The following DCUN1D1 variants were observed in gnomAD, a reference collection of about 807,000 sequenced individuals.
DCUN1D1 encodes the protein DCN1-like protein 1.
A neutral mutation model predicts 39.0 loss-of-function variants in DCUN1D1; 3 were observed. That is an observed-to-expected ratio of 0.08 (90% CI 0.04 to 0.20). DCUN1D1 has a LOEUF of 0.20. Among genes scored for constraint, DCUN1D1 ranks in the 10% least tolerant of loss-of-function variants. The pLI, the probability that DCUN1D1 is intolerant of heterozygous loss-of-function variation, is 1.00. For missense variants in DCUN1D1, 158 were observed against 302.4 expected (o/e 0.52, Z 3.54); for synonymous variants, 82 against 96.3 (o/e 0.85, Z 0.87).
chr3:182,980,419 C>T (rs1448486032), intron 1 of DCUN1D1, 68 bp downstream of exon 1: 2 of 1,011,622 alleles, frequency 2.0e-6, no homozygotes, highest in Non-Finnish European at 2.4e-6. Flanking sequence ...GGAGGGCGGC[C>T]GGGGCGGGGG....
At chr3:182,954,762 G>C (rs1158523353) in intron 4 of DCUN1D1, among the ~76,000 whole-genome samples, 1 of 152,108 alleles carries the variant, frequency 6.6e-6, no homozygotes, top group African/African-American at 2.4e-5. Context: ...TCATTTACTT[G>C]AGATCATTTA....
At position 182,944,629 on chromosome 3, in the gene DCUN1D1, C is replaced by G. The variant is rs551173810; in HGVS notation, c.*465G>C. The G allele has an allele frequency of 6.5e-6, 1 of 152,852 alleles. No individual in the cohort carries two copies. The highest frequency in any genetic ancestry group is 2.1e-4 in the South Asian group (1 of 4,826). 9.5% of individuals were successfully genotyped at this position (152,852 alleles called of 1,614,324 possible). A position where few individuals can be genotyped will look rare whatever the true frequency, so the allele number is the denominator to read the frequency against. On this transcript the variant is annotated 3_prime_UTR_variant, in exon 7 of 7. Coordinates refer to ENST00000292782, the MANE Select transcript of DCUN1D1 (RefSeq NM_020640.4). Reference sequence around the variant, plus strand: ...AGTACACTTAAATATATCACTCTCACTGGAAGTGCTATTAGCATAGTCTTT... The same window carrying G: ...AGTACACTTAAATATATCACTCTCAGTGGAAGTGCTATTAGCATAGTCTTT...
intron 2 of DCUN1D1, among the ~76,000 whole-genome samples, chr3:182,964,510 T>C (rs1397855163): frequency 1.3e-5 from 2 of 152,052 alleles, no homozygotes; most frequent in Admixed American, 1.3e-4. Context: ...ATCTCAACAA[T>C]GTAAATATCT....
At chr3:182,977,791 G>A (rs1577204324) in intron 1 of DCUN1D1, among the ~76,000 whole-genome samples, 1 of 152,010 alleles carries the variant, frequency 6.6e-6, no homozygotes, top group African/African-American at 2.4e-5. Context: ...TGTAATCCTA[G>A]CACCTTGGGC....
intron 1 of DCUN1D1, among the ~76,000 whole-genome samples, chr3:182,968,260 C>T (rs562825833): frequency 6.6e-6 from 1 of 152,166 alleles, no homozygotes; most frequent in African/African-American, 2.4e-5. Flanking sequence ...ATAACTTTTC[C>T]CCCATCCTCC....
At position 182,967,128 on chromosome 3, in the gene DCUN1D1, C is replaced by CTATA. The variant is rs60339329; in HGVS notation, c.4-1379_4-1376dup. On this transcript the variant is annotated intron_variant, in intron 1 of 6. Transcript: ENST00000292782. ...ACCTCCAAACAAACAAACAAAAAAA[C>CTATA]TATATATATATATATATATATATAT... Among the ~76,000 whole-genome samples the CTATA allele has an allele frequency of 2.6e-3, 367 of 143,538 alleles. 1 individual carries two copies. The highest frequency in any genetic ancestry group is 0.015 in the East Asian group (70 of 4,624). The allele number at this position is 143,538 out of a possible 152,430, so 94.2% of individuals were successfully genotyped here.
intron 1 of DCUN1D1, among the ~76,000 whole-genome samples, chr3:182,968,133 G>A (rs1253360946): frequency 6.6e-6 from 1 of 152,000 alleles, no homozygotes; most frequent in Non-Finnish European, 1.5e-5. Flanking sequence ...GGTCTCAAAC[G>A]CCCGGGCTCA....
chr3:182,972,975 G>A (rs574594089), intron 1 of DCUN1D1, among the ~76,000 whole-genome samples: 3 of 152,098 alleles, frequency 2.0e-5, no homozygotes, highest in Non-Finnish European at 4.4e-5. Context: ...CCGGGAGGCG[G>A]AGGTTGTGGT....
At chr3:182,953,392 G>C (rs1368268560) in intron 4 of DCUN1D1, among the ~76,000 whole-genome samples, 3 of 152,222 alleles carry the variant, frequency 2.0e-5, no homozygotes, top group African/African-American at 7.2e-5. Context: ...TATAAGTGAT[G>C]AAGAGAGCAG....
chr3:182,954,061 T>C lies in DCUN1D1; in HGVS notation c.521-6429A>G, dbSNP rs188294805. On this transcript the variant is annotated intron_variant, in intron 4 of 6. Transcript: ENST00000292782. Reference sequence around the variant, plus strand: ...TGGTGATTAAAAATCCTATTCACAATGTCTTTTTTAATCAATCTCAACAAA... The same window carrying C: ...TGGTGATTAAAAATCCTATTCACAACGTCTTTTTTAATCAATCTCAACAAA... 3.3e-3 allele frequency among the ~76,000 whole-genome samples: 501 copies of C among 152,300 alleles called. 2 individuals carry two copies. Among genetic ancestry groups the C allele is most frequent in the Non-Finnish European group, 4.2e-3 (285 of 68,016 alleles).
intron 4 of DCUN1D1, chr3:182,955,508 G>A: frequency 1.9e-6 from 1 of 536,876 alleles, no homozygotes; most frequent in Admixed American, 1.9e-5. Flanking sequence ...ACATTTTTTA[G>A]GTTGGATAAT....
At chr3:182,946,377 G>A in intron 6 of DCUN1D1, among the ~76,000 whole-genome samples, 1 of 152,100 alleles carries the variant, frequency 6.6e-6, no homozygotes, top group African/African-American at 2.4e-5. Flanking sequence ...CCAACATGGT[G>A]AAACCCCGTC....
At chr3:182,954,461 A>G (rs1726923710) in intron 4 of DCUN1D1, among the ~76,000 whole-genome samples, 2 of 152,222 alleles carry the variant, frequency 1.3e-5, no homozygotes, top group Non-Finnish European at 2.9e-5. Flanking sequence ...CTCTGGGAAG[A>G]AAGATGAGCT....
At chr3:182,981,815 C>G (rs1728562640), upstream of DCUN1D1, among the ~76,000 whole-genome samples, 1 of 152,244 alleles carries the variant, frequency 6.6e-6, no homozygotes, top group Non-Finnish European at 1.5e-5. Context: ...CAGCGCTGTA[C>G]CAAGGCAGGT....
intron 2 of DCUN1D1, 40 bp from the exon 3 acceptor site, chr3:182,964,089 T>C: frequency 6.6e-7 from 1 of 1,519,548 alleles, no homozygotes; most frequent in Non-Finnish European, 9.0e-7. Context: ...AGTGTCATAT[T>C]ATGCTACATT....
intron 1 of DCUN1D1, among the ~76,000 whole-genome samples, chr3:182,979,611 A>G (rs755059849): frequency 8.5e-6 from 1 of 117,044 alleles, no homozygotes; most frequent in Non-Finnish European, 2.0e-5. Context: ...CCCCCCCCCA[A>G]ACAAAAAAGG....
chr3:182,969,243 T>C (rs1223433909), intron 1 of DCUN1D1, among the ~76,000 whole-genome samples: 1 of 152,252 alleles, frequency 6.6e-6, no homozygotes, highest in Non-Finnish European at 1.5e-5. Flanking sequence ...AGCTGGAGTA[T>C]ACCTGACCAA....
chr3:182,947,242 T>C lies in DCUN1D1; in HGVS notation c.696A>G (p.Glu232=), dbSNP rs1281824001. The part of the protein sequence containing the change: ...MIADDMSNYD[E]EGAWPVLIDD... Reference sequence around the variant, plus strand: ...TGTGGCAAAAATTTTCATTACCTTCTTCATCATAATTAGACATGTCATCTG... The same window carrying C: ...TGTGGCAAAAATTTTCATTACCTTCCTCATCATAATTAGACATGTCATCTG... The change falls in exon 6 of 7, where the codon GAA becomes GAG. Residue 232 remains glutamate, a synonymous_variant. Coordinates refer to ENST00000292782, the MANE Select transcript of DCUN1D1 (RefSeq NM_020640.4). 6.3e-7 allele frequency: 1 copy of C among 1,588,402 alleles called. No individual in the cohort carries two copies. Among genetic ancestry groups the C allele is most frequent in the Admixed American group, 1.8e-5 (1 of 55,280 alleles).
chr3:182,954,846 G>A (rs760942365), intron 4 of DCUN1D1, among the ~76,000 whole-genome samples: 1 of 151,978 alleles, frequency 6.6e-6, no homozygotes, highest in Admixed American at 6.6e-5. Flanking sequence ...TACATGAGGT[G>A]GTTCCTTTCT....
Sources: gnomAD v4.1 joint callset for allele counts (sites outside exome capture counted in the v4.1 genomes callset) on GRCh38, gnomAD v4.1.1 for gene constraint, MANE v1.5 for transcripts, NCBI Gene and HGNC (gene_info 2026-07-23, HGNC 2026-07-21) for gene names.